Variants in PDZRN4 observed in about 807,000 individuals in gnomAD.
PDZRN4 encodes the protein PDZ domain-containing RING finger protein 4.
Under a neutral mutation model 99.0 loss-of-function variants are expected in PDZRN4, and 70 were observed. The ratio of observed to expected loss-of-function variants is 0.71; its 90% CI spans 0.58 to 0.86. The LOEUF (loss-of-function observed/expected upper bound fraction) is 0.86, where lower values mean the gene tolerates loss of function less well. Among genes scored for constraint, PDZRN4 ranks in the 40% least tolerant of loss-of-function variants. The pLI is 0.00. For missense variants in PDZRN4, 1,474 were observed against 1,331.2 expected (o/e 1.11, Z -1.67); for synonymous variants, 551 against 501.6 (o/e 1.10, Z -1.32).
chr12:41,188,488 C>G lies in PDZRN4; in HGVS notation c.33C>G (p.Ala11=). The change falls in exon 1 of 10, where the codon GCC becomes GCG. Residue 11 remains alanine, a synonymous_variant. Coordinates refer to ENST00000402685, the MANE Select transcript of PDZRN4 (RefSeq NM_001164595.2). ...TTGCCCTGGAGCGCTTCGCAGAAGC[C>G]GTGGACCCGGCTCTGGAGTGCAAAC... MGFALERFAE[A]VDPALECKLC... The G allele has an allele frequency of 2.5e-6, 4 of 1,592,092 alleles. No individual in the cohort carries two copies. The highest frequency in any genetic ancestry group is 3.4e-6 in the Non-Finnish European group (4 of 1,176,932).
intron 5 of PDZRN4, among the ~76,000 whole-genome samples, chr12:41,515,872 A>T (rs183360562): frequency 6.6e-6 from 1 of 151,748 alleles, no homozygotes. Context: ...ATCATCTTGT[A>T]TGACTCTGTT....
At chr12:41,241,447 C>T (rs79516832) in intron 3 of PDZRN4, among the ~76,000 whole-genome samples, 431 of 152,294 alleles carry the variant, frequency 2.8e-3, no homozygotes, top group African/African-American at 4.9e-3. Flanking sequence ...AATCCTTAAG[C>T]GAAAGAGCGT....
chr12:41,222,997 T>C (rs1179878022), intron 3 of PDZRN4, among the ~76,000 whole-genome samples: 1 of 152,192 alleles, frequency 6.6e-6, no homozygotes, highest in Non-Finnish European at 1.5e-5. Flanking sequence ...AGATTTAAGA[T>C]TCCATTTTTG....
At chr12:41,198,688 C>A (rs1950794699) in intron 3 of PDZRN4, among the ~76,000 whole-genome samples, 1 of 150,730 alleles carries the variant, frequency 6.6e-6, no homozygotes, top group Non-Finnish European at 1.5e-5. Flanking sequence ...TGCAGCACAC[C>A]AGCATGGCAC....
intron 3 of PDZRN4, among the ~76,000 whole-genome samples, chr12:41,462,239 A>G (rs1952879813): frequency 6.6e-6 from 1 of 152,230 alleles, no homozygotes; most frequent in East Asian, 1.9e-4. Context: ...GTGCTTTTAC[A>G]AAATAGATAT....
intron 5 of PDZRN4, among the ~76,000 whole-genome samples, chr12:41,514,364 A>C (rs1257196682): frequency 6.6e-6 from 1 of 152,096 alleles, no homozygotes; most frequent in Non-Finnish European, 1.5e-5. Context: ...TGAGACTTTA[A>C]GTATATAATC....
intron 3 of PDZRN4, among the ~76,000 whole-genome samples, chr12:41,493,356 G>A (rs1937926573): frequency 1.3e-5 from 2 of 152,148 alleles, no homozygotes; most frequent in Non-Finnish European, 2.9e-5. Flanking sequence ...ATTGTTTGAA[G>A]GAAGTAAATG....
At chr12:41,346,457 G>C (rs1015877664) in intron 3 of PDZRN4, among the ~76,000 whole-genome samples, 1 of 151,518 alleles carries the variant, frequency 6.6e-6, no homozygotes. Context: ...GCGAGATTCC[G>C]TCTCAAAAAA....
chr12:41,206,585 C>T (rs1950852688), intron 3 of PDZRN4, among the ~76,000 whole-genome samples: 1 of 151,096 alleles, frequency 6.6e-6, no homozygotes, highest in Admixed American at 6.6e-5. Flanking sequence ...AGAAATCCTG[C>T]CTTTTGCTGT....
intron 7 of PDZRN4, among the ~76,000 whole-genome samples, chr12:41,562,088 G>A (rs1317602918): frequency 6.6e-6 from 1 of 152,056 alleles, no homozygotes; most frequent in East Asian, 1.9e-4. Flanking sequence ...TTTTATTTGT[G>A]AATTGCAAAA....
intron 3 of PDZRN4, among the ~76,000 whole-genome samples, chr12:41,376,976 G>A (rs951839852): frequency 3.3e-5 from 5 of 152,126 alleles, no homozygotes; most frequent in African/African-American, 1.2e-4. Context: ...ACCATTTGTT[G>A]AAGAGACTCT....
chr12:41,547,663 T>C (rs962747301), intron 5 of PDZRN4, among the ~76,000 whole-genome samples: 1 of 152,070 alleles, frequency 6.6e-6, no homozygotes, highest in South Asian at 2.1e-4. Context: ...ACAAAATGTA[T>C]GAATCACTTC....
chr12:41,495,425 T>C lies in PDZRN4; in HGVS notation c.844-11031T>C, dbSNP rs187216962. On this transcript the variant is annotated intron_variant, in intron 3 of 9. Transcript: ENST00000402685. ...GAATAGATACCGAGGCTGGCTGTTA[T>C]AGAAAATCTGCCAATCTGAATCCAT... is the stretch of plus-strand genomic sequence containing the variant. 4.4e-3 allele frequency among the ~76,000 whole-genome samples: 674 copies of C among 152,236 alleles called. 1 individual carries two copies. Among genetic ancestry groups the C allele is most frequent in the Middle Eastern group, 6.8e-3 (2 of 294 alleles).
intron 3 of PDZRN4, among the ~76,000 whole-genome samples, chr12:41,341,165 T>TA (rs36109178): frequency 0.47 from 70,440 of 148,690 alleles, 17,002 homozygotes; most frequent in Middle Eastern, 0.64. Flanking sequence ...CCTTTCATGA[T>TA]AAAAAAAAAA....
At chr12:41,416,500 T>A (rs1361104288) in intron 3 of PDZRN4, among the ~76,000 whole-genome samples, 1 of 151,510 alleles carries the variant, frequency 6.6e-6, no homozygotes, top group Admixed American at 6.6e-5. Context: ...CAAAAAAAAA[T>A]TAGCCAGCTG....
intron 5 of PDZRN4, among the ~76,000 whole-genome samples, chr12:41,519,212 A>G (rs1428880866): frequency 6.6e-6 from 1 of 151,944 alleles, no homozygotes; most frequent in Non-Finnish European, 1.5e-5. Context: ...CTCTGCCCCA[A>G]ATCTGCTTGT....
chr12:41,415,175 G>A (rs1952433848), intron 3 of PDZRN4, among the ~76,000 whole-genome samples: 1 of 151,984 alleles, frequency 6.6e-6, no homozygotes, highest in Non-Finnish European at 1.5e-5. Flanking sequence ...TGTTGGAAGG[G>A]GGCAGGATAT....
chr12:41,510,017 A>C, intron 5 of PDZRN4, 104 bp downstream of exon 5: 1 of 593,946 alleles, frequency 1.7e-6, no homozygotes, highest in South Asian at 2.3e-5. Flanking sequence ...TGTCTTGTCT[A>C]TTACATATCC....
chr12:41,306,555 T>C (rs1484225681), intron 3 of PDZRN4, among the ~76,000 whole-genome samples: 2 of 152,214 alleles, frequency 1.3e-5, no homozygotes, highest in Admixed American at 6.5e-5. Flanking sequence ...TACTAATCTT[T>C]GTATCCAACG....
Sources: gnomAD v4.1 joint callset for allele counts (sites outside exome capture counted in the v4.1 genomes callset) on GRCh38, gnomAD v4.1.1 for gene constraint, MANE v1.5 for transcripts, NCBI Gene and HGNC (gene_info 2026-07-23, HGNC 2026-07-21) for gene names.